The following GTF2IRD1 variants were observed in gnomAD, a reference collection of about 807,000 sequenced individuals.
GTF2IRD1 encodes the protein general transcription factor II-I repeat domain-containing protein 1.
A neutral mutation model predicts 113.2 loss-of-function variants in GTF2IRD1; 26 were observed. The ratio of observed to expected loss-of-function variants is 0.23; its 90% confidence interval spans 0.17 to 0.32. The LOEUF is 0.32. GTF2IRD1 is among the 10% of genes least tolerant of loss of function. GTF2IRD1 has a pLI of 1.00. For missense variants in GTF2IRD1, 864 were observed against 1,280.8 expected (o/e 0.67, Z 4.97); for synonymous variants, 484 against 529.1 (o/e 0.91, Z 1.17).
intron 1 of GTF2IRD1, among the ~76,000 whole-genome samples, chr7:74,466,821 C>A (rs929636423): frequency 6.6e-6 from 1 of 152,140 alleles, no homozygotes; most frequent in African/African-American, 2.4e-5. Context: ...TCATGTTGTC[C>A]TCCGCATCCC....
At chr7:74,528,920 T>TGGATGGATGGATGGAC (rs782584833) in intron 8 of GTF2IRD1, among the ~76,000 whole-genome samples, 97 of 102,240 alleles carry the variant, frequency 9.5e-4, no homozygotes, top group African/African-American at 3.2e-3. Flanking sequence ...GATGGATGGA[T>TGGATGGATGGATGGAC]GGACGGACAA....
intron 22 of GTF2IRD1, among the ~76,000 whole-genome samples, chr7:74,568,302 T>C (rs587750581): frequency 8.7e-5 from 11 of 126,954 alleles, no homozygotes; most frequent in African/African-American, 3.4e-4. Flanking sequence ...CCCAGGAGTT[T>C]GAGACCAGCC....
intron 25 of GTF2IRD1, among the ~76,000 whole-genome samples, chr7:74,596,516 G>A (rs1222992961): frequency 2.0e-5 from 3 of 150,642 alleles, no homozygotes; most frequent in East Asian, 2.0e-4. Flanking sequence ...GGTGGTGCAC[G>A]CCTGCAGTCC....
intron 7 of GTF2IRD1, among the ~76,000 whole-genome samples, chr7:74,523,354 G>A (rs1797401398): frequency 6.6e-6 from 1 of 152,318 alleles, no homozygotes; most frequent in African/African-American, 2.4e-5. Flanking sequence ...TTGCACCACT[G>A]CAGTCCAGCC....
intron 22 of GTF2IRD1, among the ~76,000 whole-genome samples, chr7:74,577,050 T>C (rs1350275218): frequency 2.0e-5 from 3 of 151,646 alleles, no homozygotes; most frequent in Non-Finnish European, 2.9e-5. Context: ...TTTGTTTGTT[T>C]GTTTTGAGAT....
intron 8 of GTF2IRD1, among the ~76,000 whole-genome samples, chr7:74,524,847 C>A (rs1358933009): frequency 2.6e-5 from 4 of 152,106 alleles, no homozygotes; most frequent in African/African-American, 9.7e-5. Flanking sequence ...CCTGGTGACA[C>A]AGTGAGACTC....
At chr7:74,518,429 G>A (rs587664145) in intron 5 of GTF2IRD1, 107 bp downstream of exon 5, 93 of 842,812 alleles carry the variant, frequency 1.1e-4, no homozygotes, top group Admixed American at 8.8e-4. Flanking sequence ...TGAGATGCCC[G>A]TGGGGGACCC....
chr7:74,472,044 G>C (rs1165886219), intron 1 of GTF2IRD1, among the ~76,000 whole-genome samples: 1 of 152,188 alleles, frequency 6.6e-6, no homozygotes, highest in Non-Finnish European at 1.5e-5. Context: ...CTGTATGTCA[G>C]AAAGAATGAA....
At chr7:74,533,674 T>G (rs1798108644) in intron 9 of GTF2IRD1, among the ~76,000 whole-genome samples, 1 of 151,976 alleles carries the variant, frequency 6.6e-6, no homozygotes, top group Non-Finnish European at 1.5e-5. Context: ...CTCTCCTGCT[T>G]CCCTCCCTAA....
chr7:74,490,650 G>A (rs948262918), intron 1 of GTF2IRD1, among the ~76,000 whole-genome samples: 3 of 151,590 alleles, frequency 2.0e-5, no homozygotes, highest in South Asian at 4.2e-4. Flanking sequence ...TGCGGGGGCC[G>A]TGTTTGGGTG....
intron 1 of GTF2IRD1, among the ~76,000 whole-genome samples, chr7:74,473,311 C>T (rs560739396): frequency 7.0e-4 from 107 of 152,274 alleles, no homozygotes; most frequent in African/African-American, 2.4e-3. Flanking sequence ...GTCTCAGGGA[C>T]GTAGTCCCGC....
chr7:74,522,118 G>A (rs183869382), intron 7 of GTF2IRD1, among the ~76,000 whole-genome samples: 39 of 152,232 alleles, frequency 2.6e-4, no homozygotes, highest in African/African-American at 8.9e-4. Flanking sequence ...AGGAAGCCAC[G>A]TGGCTTTTAT....
intron 1 of GTF2IRD1, among the ~76,000 whole-genome samples, chr7:74,501,924 T>C (rs1796056359): frequency 6.6e-6 from 1 of 152,106 alleles, no homozygotes; most frequent in South Asian, 2.1e-4. Flanking sequence ...AATGCTGGGA[T>C]TACAGGTGTG....
chr7:74,484,067 A>G (rs145690938), intron 1 of GTF2IRD1, among the ~76,000 whole-genome samples: 2 of 152,292 alleles, frequency 1.3e-5, no homozygotes, highest in East Asian at 3.9e-4. Context: ...GCCCCCAGAG[A>G]TGGAGACTCA....
intron 9 of GTF2IRD1, 75 bp downstream of exon 9, chr7:74,529,992 T>C (rs1797864124): frequency 8.7e-7 from 1 of 1,144,718 alleles, no homozygotes; most frequent in Non-Finnish European, 1.3e-6. Context: ...GGCAGATCGC[T>C]TGAGGCCAGG....
chr7:74,600,647 G>A (rs1415884186), intron 25 of GTF2IRD1, among the ~76,000 whole-genome samples: 2 of 152,120 alleles, frequency 1.3e-5, no homozygotes, highest in African/African-American at 2.4e-5. Context: ...GAAGGCAAAG[G>A]TTGCAGTGAG....
At chr7:74,501,325 G>A (rs1461614911) in intron 1 of GTF2IRD1, among the ~76,000 whole-genome samples, 1 of 152,204 alleles carries the variant, frequency 6.6e-6, no homozygotes, top group Admixed American at 6.5e-5. Context: ...CCGAGCTCAG[G>A]TTTCAGCTTT....
At chr7:74,456,339 C>T (rs1554327215) in intron 1 of GTF2IRD1, among the ~76,000 whole-genome samples, 1 of 152,166 alleles carries the variant, frequency 6.6e-6, no homozygotes, top group African/African-American at 2.4e-5. Flanking sequence ...AGATGATTCT[C>T]ATTCAGGGTC....
At chr7:74,585,775 G>A (rs1801682231) in intron 22 of GTF2IRD1, among the ~76,000 whole-genome samples, 2 of 151,778 alleles carry the variant, frequency 1.3e-5, no homozygotes, top group Admixed American at 6.6e-5. Flanking sequence ...CCAGATACTC[G>A]AGAGGCTGAG....
Sources: allele counts gnomAD v4.1 joint callset (sites outside exome capture counted in the v4.1 genomes callset), GRCh38; gene constraint gnomAD v4.1.1; transcripts MANE v1.5; gene names NCBI Gene and HGNC (gene_info 2026-07-23, HGNC 2026-07-21).